SLC24A2: variants seen among roughly 807,000 people sequenced by gnomAD.
SLC24A2 encodes the protein sodium/potassium/calcium exchanger 2.
A neutral mutation model predicts 62.0 loss-of-function variants in SLC24A2; 36 were observed. That is an observed-to-expected ratio of 0.58 (90% CI 0.44 to 0.77). The LOEUF is 0.77. Among genes scored for constraint, SLC24A2 ranks in the 30% least tolerant of loss-of-function variants. SLC24A2 has a pLI of 0.00. For synonymous variants in SLC24A2, 358 were observed against 294.0 expected, an observed-to-expected ratio of 1.22 and a Z score of -2.23; for missense variants, 846 against 817.9, an observed-to-expected ratio of 1.03 and a Z score of -0.42.
chr9:19,904,692 G>A, the SLC24A2 span, among the ~76,000 whole-genome samples: 1 of 152,012 alleles, frequency 6.6e-6, no homozygotes, highest in Non-Finnish European at 1.5e-5. Context: ...ACATTGTATG[G>A]TTTCTCATTT....
At chr9:19,984,506 G>C in the SLC24A2 span, among the ~76,000 whole-genome samples, 1 of 152,138 alleles carries the variant, frequency 6.6e-6, no homozygotes, top group Non-Finnish European at 1.5e-5. Context: ...AGGAGTTCAA[G>C]ACCAGCCTGG....
chr9:19,895,523 C>T, the SLC24A2 span, among the ~76,000 whole-genome samples: 4 of 111,478 alleles, frequency 3.6e-5, no homozygotes, highest in African/African-American at 1.5e-4. Context: ...CATTCCCCTG[C>T]CCTTTTCTTT....
At chr9:20,072,795 G>T in the SLC24A2 span, among the ~76,000 whole-genome samples, 1 of 152,192 alleles carries the variant, frequency 6.6e-6, no homozygotes, top group African/African-American at 2.4e-5. Context: ...AGAAGCTGAA[G>T]AAGGCAAGGA....
chr9:19,543,413 T>C (rs1834382727), intron 8 of SLC24A2, among the ~76,000 whole-genome samples: 1 of 152,008 alleles, frequency 6.6e-6, no homozygotes, highest in African/African-American at 2.4e-5. Context: ...TTGAAGGGTT[T>C]TTCATGTCTC....
chr9:20,075,244 C>T, the SLC24A2 span, among the ~76,000 whole-genome samples: 1 of 152,132 alleles, frequency 6.6e-6, no homozygotes, highest in Admixed American at 6.6e-5. Flanking sequence ...TAGTATGTGC[C>T]TAACACCATG....
At chr9:20,147,080 T>G in the SLC24A2 span, among the ~76,000 whole-genome samples, 2 of 152,186 alleles carry the variant, frequency 1.3e-5, no homozygotes. Context: ...GATAAATTCT[T>G]GTCAAAAAGT....
chr9:19,721,496 A>G (rs1270054871), intron 2 of SLC24A2, among the ~76,000 whole-genome samples: 4 of 152,198 alleles, frequency 2.6e-5, no homozygotes, highest in Admixed American at 2.0e-4. Context: ...TAAACATTAA[A>G]GTCTTCTTTC....
rs1832795279 is a variant in SLC24A2, at chr9:19,513,186, A to ATG, written c.*2966_*2967insCA. 7.3e-6 allele frequency: 1 copy of ATG among 137,198 alleles called. No homozygotes were observed. Among genetic ancestry groups the ATG allele is most frequent in the Non-Finnish European group, 1.6e-5 (1 of 63,858 alleles). The allele number at this position is 137,198 out of a possible 1,614,324, so 8.5% of individuals were successfully genotyped here. ...TATATATATATATATGTATATATAT[A>ATG]TATATGTATATATTTATATATGTAT... On this transcript the variant is annotated 3_prime_UTR_variant, in exon 11 of 11. Transcript: ENST00000341998.
At chr9:19,609,946 G>C (rs1362705442) in intron 4 of SLC24A2, among the ~76,000 whole-genome samples, 1 of 152,188 alleles carries the variant, frequency 6.6e-6, no homozygotes, top group Admixed American at 6.5e-5. Flanking sequence ...TCTGACAGGA[G>C]GTGGAGCTCA....
chr9:19,722,366 T>C (rs1821051468), intron 2 of SLC24A2, among the ~76,000 whole-genome samples: 1 of 152,166 alleles, frequency 6.6e-6, no homozygotes, highest in Non-Finnish European at 1.5e-5. Context: ...AGGTTCAACA[T>C]ATATTTTGGT....
the SLC24A2 span, among the ~76,000 whole-genome samples, chr9:19,796,429 G>A: frequency 1.3e-5 from 2 of 152,062 alleles, no homozygotes; most frequent in Non-Finnish European, 2.9e-5. Flanking sequence ...TCTCCCACAT[G>A]GTACTCATTC....
At chr9:19,655,729 A>G (rs1310966471) in intron 2 of SLC24A2, among the ~76,000 whole-genome samples, 1 of 152,164 alleles carries the variant, frequency 6.6e-6, no homozygotes, top group Admixed American at 6.5e-5. Flanking sequence ...AGAAACCACA[A>G]GAAGGCTGGT....
chr9:20,001,061 T>C, the SLC24A2 span, among the ~76,000 whole-genome samples: 1 of 152,190 alleles, frequency 6.6e-6, no homozygotes, highest in Non-Finnish European at 1.5e-5. Context: ...CCACCCTCAC[T>C]TTAAAAATAA....
chr9:19,780,842 C>T (rs1822994931), intron 2 of SLC24A2, among the ~76,000 whole-genome samples: 1 of 134,654 alleles, frequency 7.4e-6, no homozygotes, highest in Admixed American at 8.2e-5. Context: ...CACCGCTCTC[C>T]AGCCTGGGCG....
chr9:19,681,458 T>C (rs1819720652), intron 2 of SLC24A2, among the ~76,000 whole-genome samples: 1 of 152,154 alleles, frequency 6.6e-6, no homozygotes, highest in South Asian at 2.1e-4. Flanking sequence ...TTGTTTATAC[T>C]ATGGCTCCCT....
the SLC24A2 span, among the ~76,000 whole-genome samples, chr9:20,243,151 T>C: frequency 1.3e-5 from 2 of 152,204 alleles, no homozygotes; most frequent in South Asian, 2.1e-4. Flanking sequence ...TTTTTACTAC[T>C]CCTTTTATTG....
the SLC24A2 span, among the ~76,000 whole-genome samples, chr9:20,011,801 C>A: frequency 6.6e-6 from 1 of 152,086 alleles, no homozygotes. Context: ...ATATCAAAAA[C>A]AGCAAGAGAC....
At chr9:19,709,483 T>C (rs1820646129) in intron 2 of SLC24A2, among the ~76,000 whole-genome samples, 1 of 152,064 alleles carries the variant, frequency 6.6e-6, no homozygotes, top group East Asian at 1.9e-4. Flanking sequence ...CTATTCACAA[T>C]AGCAAAGACT....
At chr9:20,185,800 C>T in the SLC24A2 span, among the ~76,000 whole-genome samples, 1 of 152,154 alleles carries the variant, frequency 6.6e-6, no homozygotes, top group South Asian at 2.1e-4. Flanking sequence ...TTTGTAGAGA[C>T]TGGAAGCCAG....
Sources: allele counts gnomAD v4.1 joint callset (sites outside exome capture counted in the v4.1 genomes callset), GRCh38; gene constraint gnomAD v4.1.1; transcripts MANE v1.5; gene names NCBI Gene and HGNC (gene_info 2026-07-23, HGNC 2026-07-21).